Variants in PSTPIP1 observed in about 807,000 individuals in gnomAD.
PSTPIP1 encodes proline-serine-threonine phosphatase interacting protein 1.
PSTPIP1 carries 66 observed loss-of-function variants against 69.6 expected under a neutral mutation model. That is an observed-to-expected ratio of 0.95 (90% confidence interval 0.78 to 1.16). The LOEUF (loss-of-function observed/expected upper bound fraction) is 1.16, where lower values mean the gene tolerates loss of function less well. Among genes scored for constraint, PSTPIP1 ranks in the 50% most tolerant of loss-of-function variants. PSTPIP1 has a pLI of 0.00. For missense variants in PSTPIP1, 603 were observed against 557.4 expected (o/e 1.08, Z -0.82); for synonymous variants, 266 against 222.7 (o/e 1.19, Z -1.73).
intron 1 of PSTPIP1, chr15:77,015,712 C>T (rs1251284073): frequency 8.5e-6 from 3 of 351,858 alleles, no homozygotes; most frequent in South Asian, 4.2e-5. Context: ...CCCATGCCCT[C>T]GAGGAAGTGG....
chr15:77,020,868 T>TGGGGG (rs201125747), intron 3 of PSTPIP1, among the ~76,000 whole-genome samples: 1 of 115,466 alleles, frequency 8.7e-6, no homozygotes, highest in African/African-American at 2.9e-5. Context: ...TAGACTCCTG[T>TGGGGG]GGGGGGGGGG....
intron 10 of PSTPIP1, chr15:77,031,571 G>T: frequency 3.1e-6 from 1 of 323,388 alleles, no homozygotes; most frequent in Non-Finnish European, 6.0e-6. Flanking sequence ...GGGGATGGGA[G>T]GGGAGGTGGA....
At position 77,034,069 on chromosome 15, in the gene PSTPIP1, G is replaced by A. The variant is rs558843916; in HGVS notation, c.929+1117G>A. On this transcript the variant is annotated intron_variant, in intron 12 of 14. Transcript: ENST00000558012. ...AGAGAGAGAGATGTCCTGCAGGGCC[G>A]AGGGAGGCCTGGCTGCTGGAGGGGG... 8.5e-5 allele frequency among the ~76,000 whole-genome samples: 13 copies of A among 152,234 alleles called. No homozygotes were observed. In the South Asian group the frequency reaches 1.0e-3, roughly 12 times the overall value.
rs746613021 is a variant in PSTPIP1 at position 77,037,190 on chromosome 15, G to T, written c.*14G>T. 6.3e-7 allele frequency: 1 copy of T among 1,582,614 alleles called. No homozygotes were observed. Among genetic ancestry groups the T allele is most frequent in the South Asian group, 1.1e-5 (1 of 88,136 alleles). ...GAGAAGCTTTGAGGAAGGGCCAGGA[G>T]CCCCTTCGGACCTGCCCTGCCAGTG... On this transcript the variant is annotated 3_prime_UTR_variant, in exon 15 of 15. Transcript: ENST00000558012.
At chr15:77,009,375 G>C (rs891633961) in intron 1 of PSTPIP1, among the ~76,000 whole-genome samples, 1 of 152,146 alleles carries the variant, frequency 6.6e-6, no homozygotes, top group African/African-American at 2.4e-5. Flanking sequence ...CAAGCCCAGG[G>C]GAGCCTGCCA....
intron 1 of PSTPIP1, among the ~76,000 whole-genome samples, chr15:77,009,808 C>A (rs528617154): frequency 2.0e-5 from 3 of 152,324 alleles, no homozygotes; most frequent in African/African-American, 7.2e-5. Context: ...AGTGCCTGAG[C>A]CCTGTCACGC....
At position 77,028,597 on chromosome 15, in the gene PSTPIP1, C is replaced by G; in HGVS notation, c.461C>G (p.Ala154Gly). ...YEQKCRDADD[A>G]EQAFERISAN... ...CAGAAGTGCCGGGACGCGGACGACG[C>G]GGAGCAGGCCTTCGAGCGCATTAGC... Residue 154 changes from alanine (A) to glycine (G), a missense_variant, in exon 7 of 15, where the codon GCG (alanine) becomes GGG (glycine). Physicochemically the swap from Ala to Gly is moderately conservative, Grantham distance 60. Coordinates refer to ENST00000558012, the MANE Select transcript of PSTPIP1 (RefSeq NM_003978.5). The G allele has an allele frequency of 6.2e-7, 1 of 1,602,834 alleles. No individual in the cohort carries two copies. Among genetic ancestry groups the G allele is most frequent in the East Asian group, 2.3e-5 (1 of 44,248 alleles).
chr15:77,017,230 T>C (rs571291012), intron 1 of PSTPIP1, among the ~76,000 whole-genome samples: 23 of 152,146 alleles, frequency 1.5e-4, no homozygotes, highest in African/African-American at 5.3e-4. Context: ...GAGACCTCTG[T>C]TCCTTCATAG....
Position 77,032,425 on chromosome 15 carries a change from C to G in PSTPIP1, c.838+31C>G, listed in dbSNP as rs545108125. The G allele has an allele frequency of 3.3e-5, 53 of 1,606,796 alleles. No homozygotes were observed. The East Asian group carries it at 1.1e-3, about 33-fold the overall frequency. On this transcript the variant is annotated intron_variant, in intron 11 of 14. Transcript: ENST00000558012. ...GTCCGGCTTGCGGACAGCGCAGCCT[C>G]TAGGTGCATTGAGCCCCTGGGAAGG...
At chr15:77,031,524 T>C (rs1308486440) in intron 10 of PSTPIP1, 3 of 395,088 alleles carry the variant, frequency 7.6e-6, no homozygotes, top group Non-Finnish European at 1.4e-5. Context: ...ACTTCCTCCT[T>C]ATGCCTCAGA....
intron 1 of PSTPIP1, among the ~76,000 whole-genome samples, chr15:77,011,875 TTCCTTGCATTG>T (rs1270818127): frequency 2.6e-5 from 4 of 152,008 alleles, no homozygotes; most frequent in African/African-American, 4.8e-5. Flanking sequence ...TGGGAAGCCT[TTCCTTGCATTG>T]TCCTGGAGTT....
intron 3 of PSTPIP1, among the ~76,000 whole-genome samples, chr15:77,021,284 C>A (rs1294613077): frequency 6.6e-6 from 1 of 152,184 alleles, no homozygotes; most frequent in Non-Finnish European, 1.5e-5. Context: ...ACATGTACCT[C>A]CTTCACATGT....
intron 1 of PSTPIP1, among the ~76,000 whole-genome samples, chr15:77,001,230 G>C (rs2075700871): frequency 6.6e-6 from 1 of 152,180 alleles, no homozygotes; most frequent in African/African-American, 2.4e-5. Flanking sequence ...TATTTCTTTG[G>C]GCAGAGGAGG....
At chr15:77,017,687 C>T (rs958859049) in intron 1 of PSTPIP1, among the ~76,000 whole-genome samples, 4 of 152,204 alleles carry the variant, frequency 2.6e-5, no homozygotes, top group Non-Finnish European at 5.9e-5. Flanking sequence ...AAGGCCAGGC[C>T]AGCCACTTTC....
rs766895096 is a variant in PSTPIP1, at chr15:77,032,320, C to T, written c.764C>T (p.Thr255Met). The change falls in exon 11 of 15, where the codon ACG (threonine) becomes ATG (methionine). Residue 255 changes from threonine (T) to methionine (M), a missense_variant. By Grantham distance (81) the Thr-to-Met change is moderately conservative. Coordinates refer to ENST00000558012, the MANE Select transcript of PSTPIP1 (RefSeq NM_003978.5). ...DDELYEEVRL[T>M]LEGCSIDADI... ...CAGCTCTACGAGGAAGTGCGGCTGA[C>T]GCTGGAAGGCTGCAGCATAGACGCC... is the stretch of plus-strand genomic sequence containing the variant. 222 of 1,612,446 alleles carry T rather than the reference C, an allele frequency of 1.4e-4. No homozygotes were observed. Among genetic ancestry groups the T allele is most frequent in the Non-Finnish European group, 1.8e-4 (214 of 1,179,744 alleles).
intron 9 of PSTPIP1, 113 bp downstream of exon 9, chr15:77,030,694 A>C: frequency 2.8e-6 from 3 of 1,056,916 alleles, no homozygotes; most frequent in Non-Finnish European, 4.0e-6. Flanking sequence ...GGTACCTGTT[A>C]CTCACTCGTT....
At chr15:77,007,021 G>A (rs924746308) in intron 1 of PSTPIP1, among the ~76,000 whole-genome samples, 2 of 152,120 alleles carry the variant, frequency 1.3e-5, no homozygotes, top group Non-Finnish European at 2.9e-5. Context: ...GACTGGCCAC[G>A]AGTCCGTGAC....
rs561478916 is a variant in PSTPIP1, at chr15:77,007,979, TG to T, written c.37-10167del. On this transcript the variant is annotated intron_variant, in intron 1 of 14. Coordinates refer to ENST00000558012, the MANE Select transcript of PSTPIP1 (RefSeq NM_003978.5). ...CCTCCTGAACAATTGCCCATTGACC[TG>T]GACCAGCTCTGAGCCCACTCTCCTA... is the stretch of plus-strand genomic sequence containing the variant. 94 of 455,944 alleles carry T rather than the reference TG, an allele frequency of 2.1e-4. No individual in the cohort carries two copies. In the East Asian group the frequency reaches 5.4e-3, roughly 26 times the overall value. The allele number at this position is 455,944 out of a possible 1,614,324, so 28.2% of individuals were successfully genotyped here.
At chr15:77,032,426 T>C in intron 11 of PSTPIP1, 32 bp downstream of exon 11, 2 of 1,604,808 alleles carry the variant, frequency 1.2e-6, no homozygotes, top group South Asian at 1.1e-5. Flanking sequence ...GCGCAGCCTC[T>C]AGGTGCATTG....
Sources: allele counts gnomAD v4.1 joint callset (sites outside exome capture counted in the v4.1 genomes callset), GRCh38; gene constraint gnomAD v4.1.1; transcripts MANE v1.5; gene names NCBI Gene and HGNC (gene_info 2026-07-23, HGNC 2026-07-21).